Variants in PALLD observed in about 807,000 individuals in gnomAD.
PALLD encodes palladin.
In PALLD, 61 loss-of-function variants were observed where a neutral mutation model predicts 123.5. The ratio of observed to expected loss-of-function variants is 0.49; its 90% CI spans 0.40 to 0.61. The LOEUF (loss-of-function observed/expected upper bound fraction) is 0.61, where lower values mean the gene tolerates loss of function less well. PALLD is among the 20% of genes least tolerant of loss of function. The pLI, the probability that PALLD is intolerant of heterozygous loss-of-function variation, is 0.00. For missense variants in PALLD, 1,273 were observed against 1,377.0 expected (o/e 0.92, Z 1.20); for synonymous variants, 465 against 496.4 (o/e 0.94, Z 0.84).
At chr4:168,724,184 A>G (rs1786314451) in intron 10 of PALLD, among the ~76,000 whole-genome samples, 1 of 152,202 alleles carries the variant, frequency 6.6e-6, no homozygotes. Context: ...GTATTTTAAA[A>G]TGATTGTTCT....
intron 8 of PALLD, among the ~76,000 whole-genome samples, chr4:168,696,983 A>C (rs1258670408): frequency 1.3e-5 from 2 of 152,238 alleles, no homozygotes; most frequent in Non-Finnish European, 2.9e-5. Flanking sequence ...CAACATATGG[A>C]ATAAACCCAG....
chr4:168,756,235 G>T, intron 10 of PALLD: 1 of 191,608 alleles, frequency 5.2e-6, no homozygotes, highest in South Asian at 8.1e-5. Flanking sequence ...CCAGAAAGAT[G>T]AGTTCATCCT....
At chr4:168,901,658 G>C (rs916426831) in intron 14 of PALLD, among the ~76,000 whole-genome samples, 1 of 152,094 alleles carries the variant, frequency 6.6e-6, no homozygotes. Context: ...AGGAGTTTAA[G>C]AACAGCCTGG....
At chr4:168,898,201 T>G in intron 13 of PALLD, 1 of 445,078 alleles carries the variant, frequency 2.2e-6, no homozygotes, top group South Asian at 2.2e-5. Context: ...TTTTGCCTTT[T>G]TCTTTCCTTC....
chr4:168,606,082 C>G (rs1046050311), intron 2 of PALLD, among the ~76,000 whole-genome samples: 1 of 152,094 alleles, frequency 6.6e-6, no homozygotes, highest in Non-Finnish European at 1.5e-5. Context: ...TCTCTGTGTC[C>G]TTGCCTGTAA....
At chr4:168,897,051 G>A (rs1299970885) in intron 13 of PALLD, among the ~76,000 whole-genome samples, 1 of 152,078 alleles carries the variant, frequency 6.6e-6, no homozygotes, top group African/African-American at 2.4e-5. Flanking sequence ...GGCTGGTCTC[G>A]AACTTCTGAC....
intron 10 of PALLD, among the ~76,000 whole-genome samples, chr4:168,855,421 G>T (rs1748465638): frequency 6.6e-6 from 1 of 152,168 alleles, no homozygotes; most frequent in East Asian, 1.9e-4. Flanking sequence ...AGCAAAATGA[G>T]TGATTAACAT....
intron 15 of PALLD, among the ~76,000 whole-genome samples, chr4:168,907,658 C>A (rs191963891): frequency 2.0e-5 from 3 of 152,314 alleles, no homozygotes; most frequent in African/African-American, 2.4e-5. Context: ...CCCCAGAATT[C>A]TCTGCTTTGC....
intron 10 of PALLD, among the ~76,000 whole-genome samples, chr4:168,729,316 C>G (rs890913028): frequency 4.0e-5 from 6 of 151,770 alleles, no homozygotes; most frequent in Non-Finnish European, 8.8e-5. Flanking sequence ...TAGGCATGCA[C>G]CACCATACCT....
chr4:168,910,220 C>CTT (rs70961563), intron 15 of PALLD, among the ~76,000 whole-genome samples: 12 of 113,968 alleles, frequency 1.1e-4, no homozygotes, highest in South Asian at 3.0e-4. Flanking sequence ...AACCTGTTTA[C>CTT]TTTTTTTTTT....
chr4:168,878,417 C>T, intron 10 of PALLD: 3 of 1,457,324 alleles, frequency 2.1e-6, no homozygotes, highest in Non-Finnish European at 2.7e-6. Flanking sequence ...CGCGGTCCTC[C>T]ACTTCCCTGC....
intron 10 of PALLD, among the ~76,000 whole-genome samples, chr4:168,873,874 TGAG>T (rs1560830953): frequency 6.6e-6 from 1 of 152,294 alleles, no homozygotes; most frequent in South Asian, 2.1e-4. Context: ...GGCTTCGTGA[TGAG>T]GAGAAGGCGG....
chr4:168,805,490 G>A (rs1303572436), intron 10 of PALLD, among the ~76,000 whole-genome samples: 1 of 152,132 alleles, frequency 6.6e-6, no homozygotes, highest in African/African-American at 2.4e-5. Flanking sequence ...CCAATCCGAT[G>A]CTTAAACTTG....
intron 2 of PALLD, among the ~76,000 whole-genome samples, chr4:168,604,520 A>G (rs192162646): frequency 6.6e-6 from 1 of 152,378 alleles, no homozygotes; most frequent in Non-Finnish European, 1.5e-5. Context: ...AATAGAGCAT[A>G]GTTACATTAC....
intron 2 of PALLD, among the ~76,000 whole-genome samples, chr4:168,620,518 C>G (rs983697529): frequency 3.3e-5 from 5 of 152,034 alleles, no homozygotes; most frequent in African/African-American, 1.2e-4. Flanking sequence ...AAAAGATGTC[C>G]AAATTATAGT....
intron 2 of PALLD, chr4:168,631,673 C>A: frequency 1.6e-5 from 16 of 985,468 alleles, no homozygotes; most frequent in Non-Finnish European, 1.9e-5. Flanking sequence ...GCCGCTGCGC[C>A]GCCAGGAGGC....
intron 2 of PALLD, among the ~76,000 whole-genome samples, chr4:168,570,635 C>T (rs527367843): frequency 1.3e-5 from 2 of 152,240 alleles, no homozygotes; most frequent in Middle Eastern, 3.4e-3. Flanking sequence ...GCATCTGTAA[C>T]ATTTTATGAG....
At chr4:168,656,150 A>T (rs1481476307) in intron 2 of PALLD, among the ~76,000 whole-genome samples, 1 of 152,140 alleles carries the variant, frequency 6.6e-6, no homozygotes, top group East Asian at 1.9e-4. Context: ...ACCTGCTGTA[A>T]TTGTAGCAAC....
intron 10 of PALLD, among the ~76,000 whole-genome samples, chr4:168,805,636 G>A (rs775540353): frequency 1.1e-4 from 16 of 151,830 alleles, no homozygotes; most frequent in South Asian, 6.2e-4. Flanking sequence ...CCCTAAACTC[G>A]TACATGCTTA....
Sources: allele counts gnomAD v4.1 joint callset (sites outside exome capture counted in the v4.1 genomes callset), GRCh38; gene constraint gnomAD v4.1.1; transcripts MANE v1.5; gene names NCBI Gene and HGNC (gene_info 2026-07-23, HGNC 2026-07-21).